Variants in SPAG1 observed in about 807,000 individuals in gnomAD.
SPAG1 encodes the protein sperm associated antigen 1, also known as sperm-associated antigen 1.
SPAG1 carries 69 observed loss-of-function variants against 100.5 expected under a neutral mutation model. The observed-to-expected ratio is 0.69, with a 90% CI of 0.57 to 0.84. The LOEUF (loss-of-function observed/expected upper bound fraction) is 0.84, where lower values mean the gene tolerates loss of function less well. SPAG1 is among the 40% of genes least tolerant of loss of function. The probability of loss-of-function intolerance (pLI) is 0.00; values close to 1 mark genes in which losing one functional copy is unlikely to be tolerated. For synonymous variants in SPAG1, 336 were observed against 411.6 expected (o/e 0.82, Z 2.22); for missense variants, 955 against 1,133.1 (o/e 0.84, Z 2.26).
At chr8:100,207,439 G>A (rs1265204579) in intron 10 of SPAG1, among the ~76,000 whole-genome samples, 2 of 152,176 alleles carry the variant, frequency 1.3e-5, no homozygotes, top group African/African-American at 2.4e-5. Context: ...GGTTCTACAC[G>A]ATATGCAGGC....
At chr8:100,174,752 ACTTAC>A (rs1289786957) in intron 3 of SPAG1, among the ~76,000 whole-genome samples, 2 of 152,204 alleles carry the variant, frequency 1.3e-5, no homozygotes, top group Non-Finnish European at 2.9e-5. Context: ...GTTCAGAAGC[ACTTAC>A]CTTCATGAAG....
Position 100,239,334 on chromosome 8 carries a change from T to G in SPAG1, c.2210T>G (p.Leu737Arg). The change falls in exon 17 of 19, where the codon CTC becomes CGC. Residue 737 changes from leucine to arginine, a missense_variant. Coordinates refer to ENST00000388798, the MANE Select transcript of SPAG1 (RefSeq NM_003114.5). This position sits in a 1 kb window ranked among gnomAD's most constrained non-coding sequence, Gnocchi z 5.0. ...ATGGAACTGGAAGAGGTAACTAGAC[T>G]CCTTAATCTTAAGGATAAGACAGCA... The part of the protein sequence containing the change: ...AKMELEEVTR[L>R]LNLKDKTAPF... 6.3e-7 allele frequency: 1 copy of G among 1,586,596 alleles called. No homozygotes were observed.
chr8:100,234,796 G>C (rs1265838587), intron 16 of SPAG1, among the ~76,000 whole-genome samples: 1 of 152,200 alleles, frequency 6.6e-6, no homozygotes, highest in East Asian at 1.9e-4. Context: ...GAGATGGTCA[G>C]ATCCTGAGGG....
intron 13 of SPAG1, among the ~76,000 whole-genome samples, chr8:100,222,230 A>G (rs1818315957): frequency 6.6e-6 from 1 of 152,082 alleles, no homozygotes; most frequent in Non-Finnish European, 1.5e-5. Flanking sequence ...TCCCTACCCC[A>G]TAGGTGCACC....
intron 16 of SPAG1, among the ~76,000 whole-genome samples, chr8:100,237,593 GTCTT>G (rs765545686): frequency 4.6e-5 from 7 of 152,116 alleles, no homozygotes; most frequent in Admixed American, 6.5e-5. Context: ...ACTTAAGTCT[GTCTT>G]TCTTTGTCTT....
At chr8:100,240,382 A>G (rs1443881430) in intron 17 of SPAG1, 21 bp from the exon 18 acceptor site, 2 of 1,563,802 alleles carry the variant, frequency 1.3e-6, no homozygotes, top group African/African-American at 2.8e-5. Context: ...GTCACAATGC[A>G]TTTTTCTTTT....
intron 11 of SPAG1, among the ~76,000 whole-genome samples, 171 bp from the exon 12 acceptor site, chr8:100,213,648 G>A (rs1054899534): frequency 3.3e-5 from 5 of 152,208 alleles, no homozygotes. Context: ...CTCCGTCCCC[G>A]CCGGGTTTTC....
intron 10 of SPAG1, among the ~76,000 whole-genome samples, chr8:100,198,995 A>G (rs747240196): frequency 1.8e-4 from 28 of 152,028 alleles, no homozygotes; most frequent in Non-Finnish European, 1.2e-4. Flanking sequence ...TTGTGTAGAT[A>G]ATACCAGATT....
chr8:100,179,356 C>T (rs1327271734), intron 4 of SPAG1, among the ~76,000 whole-genome samples: 1 of 152,142 alleles, frequency 6.6e-6, no homozygotes, highest in Non-Finnish European at 1.5e-5. Context: ...GTACTCCAGC[C>T]TGGGGGAAAG....
intron 15 of SPAG1, among the ~76,000 whole-genome samples, chr8:100,232,667 C>A (rs551592262): frequency 6.6e-6 from 1 of 152,308 alleles, no homozygotes; most frequent in East Asian, 1.9e-4. Context: ...CTTATGGTGT[C>A]CTTGCACAGC....
At chr8:100,202,030 G>A (rs1328953599) in intron 10 of SPAG1, among the ~76,000 whole-genome samples, 1 of 152,200 alleles carries the variant, frequency 6.6e-6, no homozygotes, top group Admixed American at 6.5e-5. Flanking sequence ...TGTAACTGGT[G>A]TCTGGAGTAG....
At chr8:100,171,934 G>T (rs1815874355) in intron 3 of SPAG1, among the ~76,000 whole-genome samples, 1 of 150,274 alleles carries the variant, frequency 6.7e-6, no homozygotes, top group Non-Finnish European at 1.5e-5. Flanking sequence ...TCGCTCTATC[G>T]CCCGGGCTAG....
At chr8:100,167,589 TGTA>T (rs1380892138) in intron 3 of SPAG1, among the ~76,000 whole-genome samples, 1 of 152,202 alleles carries the variant, frequency 6.6e-6, no homozygotes, top group Non-Finnish European at 1.5e-5. Context: ...GGAGGACTAT[TGTA>T]GTATATTTTT....
At chr8:100,212,621 C>A (rs530638626) in intron 10 of SPAG1, among the ~76,000 whole-genome samples, 1 of 152,282 alleles carries the variant, frequency 6.6e-6, no homozygotes, top group Non-Finnish European at 1.5e-5. Flanking sequence ...ACTTAAAAAT[C>A]ACTTACGCTT....
At chr8:100,185,495 A>G (rs529831472) in intron 7 of SPAG1, among the ~76,000 whole-genome samples, 28 of 152,310 alleles carry the variant, frequency 1.8e-4, no homozygotes, top group Middle Eastern at 3.4e-3. Flanking sequence ...GATAATAACT[A>G]GAATGTAAGA....
chr8:100,213,413 C>T lies in SPAG1; in HGVS notation c.1420C>T (p.Leu474Phe). Residue 474 changes from leucine (L) to phenylalanine (F), a missense_variant, in exon 11 of 19, where the codon CTC becomes TTC. Transcript: ENST00000388798. ...CGGCAAGTACTCGGCGGCAATCGCG[C>T]TCCTGGAGCCAGCAGGTAGGTGCGC... ...AAGKYSAAIALLEPAGSEIAD... is the reference protein window; with the variant it reads ...AAGKYSAAIAFLEPAGSEIAD... 3 of 1,426,070 alleles carry T rather than the reference C, an allele frequency of 2.1e-6. No individual in the cohort carries two copies. Among genetic ancestry groups the T allele is most frequent in the South Asian group, 1.4e-5 (1 of 69,226 alleles). The allele number at this position is 1,426,070 out of a possible 1,614,324, so 88.3% of individuals were successfully genotyped here. A position where few individuals can be genotyped will look rare whatever the true frequency, so the allele number is the denominator to read the frequency against.
chr8:100,179,226 T>C (rs1323870025), intron 4 of SPAG1, among the ~76,000 whole-genome samples: 1 of 151,662 alleles, frequency 6.6e-6, no homozygotes, highest in Non-Finnish European at 1.5e-5. Flanking sequence ...GTACTAAAAA[T>C]ACAAAAATTA....
intron 10 of SPAG1, among the ~76,000 whole-genome samples, chr8:100,204,292 G>T (rs1449372864): frequency 3.3e-5 from 5 of 152,160 alleles, no homozygotes; most frequent in African/African-American, 9.7e-5. Flanking sequence ...GCCCCTAGAG[G>T]TGAGGTTGAG....
intron 14 of SPAG1, among the ~76,000 whole-genome samples, chr8:100,226,796 G>C (rs1818535459): frequency 6.6e-6 from 1 of 152,082 alleles, no homozygotes; most frequent in Non-Finnish European, 1.5e-5. Context: ...AAATAATAAA[G>C]TAAAGCCCCA....
Sources: gnomAD v4.1 joint callset for allele counts (sites outside exome capture counted in the v4.1 genomes callset) on GRCh38, gnomAD v4.1.1 for gene constraint, Gnocchi (gnomAD v3.1) non-coding constraint, MANE v1.5 for transcripts, NCBI Gene and HGNC (gene_info 2026-07-23, HGNC 2026-07-21) for gene names.